Variants in WWP1 observed in about 807,000 individuals in gnomAD.
WWP1 encodes WW domain containing E3 ubiquitin protein ligase 1, also known as NEDD4-like E3 ubiquitin-protein ligase WWP1.
Under a neutral mutation model 130.6 loss-of-function variants are expected in WWP1, and 49 were observed. The ratio of observed to expected loss-of-function variants is 0.38; its 90% CI spans 0.30 to 0.48. WWP1 has a LOEUF of 0.48. WWP1 is among the 20% of genes least tolerant of loss of function. WWP1 has a pLI of 0.99. For missense variants in WWP1, 809 were observed against 1,100.6 expected (o/e 0.74, Z 3.75); for synonymous variants, 332 against 367.8 (o/e 0.90, Z 1.11).
At chr8:86,343,564 A>T (rs1345687959) in intron 1 of WWP1, among the ~76,000 whole-genome samples, 2 of 151,988 alleles carry the variant, frequency 1.3e-5, no homozygotes, top group Non-Finnish European at 2.9e-5. Context: ...TTTTAAAAAA[A>T]TTTAATTTTG....
chr8:86,382,761 C>T (rs1221360178), intron 5 of WWP1, among the ~76,000 whole-genome samples: 5 of 152,244 alleles, frequency 3.3e-5, no homozygotes, highest in Non-Finnish European at 7.3e-5. Flanking sequence ...TGATTTCTCA[C>T]ACCACAATTT....
chr8:86,433,612 C>G (rs1477556459), intron 14 of WWP1, among the ~76,000 whole-genome samples: 4 of 151,964 alleles, frequency 2.6e-5, no homozygotes, highest in Admixed American at 2.6e-4. Flanking sequence ...TTCCCTGTCA[C>G]AGTTGATAAC....
intron 8 of WWP1, among the ~76,000 whole-genome samples, chr8:86,405,434 A>G (rs768278104): frequency 8.0e-5 from 12 of 150,812 alleles, no homozygotes; most frequent in Non-Finnish European, 1.2e-4. Flanking sequence ...GCATATCTCT[A>G]CATTTCGCTG....
At chr8:86,376,446 G>A (rs752393499) in intron 3 of WWP1, among the ~76,000 whole-genome samples, 3 of 152,108 alleles carry the variant, frequency 2.0e-5, no homozygotes, top group Non-Finnish European at 4.4e-5. Flanking sequence ...GCACATGCCT[G>A]TAATCCCAGC....
At chr8:86,362,167 T>TATAC (rs1456647235) in intron 1 of WWP1, among the ~76,000 whole-genome samples, 1 of 45,994 alleles carries the variant, frequency 2.2e-5, no homozygotes, top group Non-Finnish European at 5.9e-5. Flanking sequence ...ACAAGGCATA[T>TATAC]ATATATATAT....
chr8:86,421,436 G>A (rs957467682), intron 9 of WWP1, among the ~76,000 whole-genome samples: 6 of 152,090 alleles, frequency 3.9e-5, no homozygotes, highest in East Asian at 3.8e-4. Context: ...TATGGTTATC[G>A]TGTATAAAAA....
intron 5 of WWP1, among the ~76,000 whole-genome samples, chr8:86,387,341 G>A (rs1480478586): frequency 2.0e-5 from 3 of 152,120 alleles, no homozygotes; most frequent in Non-Finnish European, 4.4e-5. Flanking sequence ...GTAGAAGGGA[G>A]TGCCAAAATA....
At chr8:86,430,998 A>ATT (rs1298881247) in intron 12 of WWP1, among the ~76,000 whole-genome samples, 1 of 138,988 alleles carries the variant, frequency 7.2e-6, no homozygotes, top group African/African-American at 2.6e-5. Context: ...ATCCATATTA[A>ATT]ATATATTATA....
intron 16 of WWP1, among the ~76,000 whole-genome samples, chr8:86,437,786 A>G (rs1810375160): frequency 6.6e-6 from 1 of 152,154 alleles, no homozygotes; most frequent in Admixed American, 6.5e-5. Flanking sequence ...ATTTTGTATA[A>G]TATATGTATT....
rs1198477965 is a variant in WWP1, at chr8:86,423,827, C to A, written c.1062-1396C>A. Among the ~76,000 whole-genome samples, 2 of 144,638 alleles carry A rather than the reference C, an allele frequency of 1.4e-5. 1 individual carries two copies. Among genetic ancestry groups the A allele is most frequent in the Middle Eastern group, 7.8e-3 (2 of 256 alleles). The allele number at this position is 144,638 out of a possible 152,430, so 94.9% of individuals were successfully genotyped here. A position where few individuals can be genotyped will look rare whatever the true frequency, so the allele number is the denominator to read the frequency against. ...GGCAGAGGCGCCCCCCCCCCACCTC[C>A]CGGACGGGGCGGCGGCTGGGCAGAG... On this transcript the variant is annotated intron_variant, in intron 9 of 24. Coordinates refer to ENST00000517970, the MANE Select transcript of WWP1 (RefSeq NM_007013.4).
chr8:86,380,689 G>T (rs1824934036), intron 3 of WWP1, 37 bp from the exon 4 acceptor site: 3 of 1,566,868 alleles, frequency 1.9e-6, no homozygotes, highest in African/African-American at 1.4e-5. Flanking sequence ...CTACTTTTTG[G>T]CAACACATAC....
intron 7 of WWP1, among the ~76,000 whole-genome samples, chr8:86,399,564 C>T (rs1218481329): frequency 2.0e-5 from 3 of 152,108 alleles, no homozygotes; most frequent in Non-Finnish European, 4.4e-5. Context: ...TCTAAGTTGC[C>T]GTTAAGTGAT....
At chr8:86,466,686 T>C (rs1424783806) in intron 24 of WWP1, 108 bp from the exon 25 acceptor site, 3 of 642,440 alleles carry the variant, frequency 4.7e-6, no homozygotes, top group Admixed American at 3.6e-5. Flanking sequence ...TTTTAACATA[T>C]ATAGTATACA....
rs765961795 is a variant in WWP1, at chr8:86,402,128, C to G, written c.649C>G (p.Pro217Ala). The G allele has an allele frequency of 3.7e-6, 6 of 1,614,106 alleles. No homozygotes were observed. Among genetic ancestry groups the G allele is most frequent in the Non-Finnish European group, 5.1e-6 (6 of 1,180,004 alleles). ...TAATGGAGACAACACACCTTCATCTCCGTCTCAGGTTGCTGCCAGACCCAA... is the reference window on the plus strand; with the variant it reads ...TAATGGAGACAACACACCTTCATCTGCGTCTCAGGTTGCTGCCAGACCCAA... Reference protein sequence around the residue: ...VVNGDNTPSSPSQVAARPKNT... With the variant: ...VVNGDNTPSSASQVAARPKNT... Residue 217 changes from proline (P) to alanine (A), a missense_variant, in exon 8 of 25, where the codon CCG becomes GCG. Physicochemically the swap from Pro to Ala is conservative, Grantham distance 27. Transcript: ENST00000517970.
chr8:86,448,512 G>A lies in WWP1; in HGVS notation c.2272G>A (p.Gly758Ser), dbSNP rs1248781166. The change falls in exon 20 of 25, where the codon GGT (glycine) becomes AGT (serine). Residue 758 changes from glycine (G) to serine (S), a missense_variant and splice_region_variant. By Grantham distance (56) the Gly-to-Ser change is moderately conservative. Coordinates refer to ENST00000517970, the MANE Select transcript of WWP1 (RefSeq NM_007013.4). ...TGAGGAGAACAAAGATGAATATATT[G>A]GGTAAGGTGATATACCTTATTAAGC... The part of the protein sequence containing the change: ...VTEENKDEYI[G>S]LMTEWRFSRG... 33 of 1,612,680 alleles carry A rather than the reference G, an allele frequency of 2.0e-5. No homozygotes were observed. The highest frequency in any genetic ancestry group is 2.7e-5 in the Non-Finnish European group (32 of 1,179,502).
At chr8:86,370,191 C>CAT (rs1824205562) in intron 2 of WWP1, among the ~76,000 whole-genome samples, 2 of 152,120 alleles carry the variant, frequency 1.3e-5, no homozygotes, top group African/African-American at 4.8e-5. Flanking sequence ...AAAGCTTGCA[C>CAT]ATATGGTATT....
intron 2 of WWP1, 100 bp downstream of exon 2, chr8:86,369,131 TA>T (rs1251679265): frequency 6.6e-6 from 1 of 152,188 alleles, no homozygotes; most frequent in African/African-American, 2.4e-5. Context: ...TACGTTGTCA[TA>T]AAAAATATGG....
intron 24 of WWP1, among the ~76,000 whole-genome samples, chr8:86,464,670 T>G (rs913839898): frequency 5.3e-5 from 8 of 152,104 alleles, no homozygotes; most frequent in African/African-American, 1.4e-4. Flanking sequence ...TGCACGCCAC[T>G]ATGCCTGGCT....
chr8:86,343,115 T>G, intron 1 of WWP1, 185 bp downstream of exon 1: 1 of 253,190 alleles, frequency 3.9e-6, no homozygotes, highest in Non-Finnish European at 7.4e-6. Context: ...GAGTCGGGAG[T>G]TTTCTGGGGT....
Sources: allele counts gnomAD v4.1 joint callset (sites outside exome capture counted in the v4.1 genomes callset), GRCh38; gene constraint gnomAD v4.1.1; transcripts MANE v1.5; gene names NCBI Gene and HGNC (gene_info 2026-07-23, HGNC 2026-07-21).